Variants in AK1 observed in about 807,000 individuals in gnomAD.
AK1 encodes the protein adenylate kinase 1.
AK1 carries 13 observed loss-of-function variants against 23.9 expected under a neutral mutation model. The ratio of observed to expected loss-of-function variants is 0.54; its 90% CI spans 0.35 to 0.86. The LOEUF (loss-of-function observed/expected upper bound fraction) is 0.86, where lower values mean the gene tolerates loss of function less well. Ranked by LOEUF, AK1 falls within the 40% of genes least tolerant of loss-of-function variation. The probability of loss-of-function intolerance (pLI) is 0.01; values close to 1 mark genes in which losing one functional copy is unlikely to be tolerated. For missense variants in AK1, 214 were observed against 255.1 expected, an observed-to-expected ratio of 0.84 and a Z score of 1.10; for synonymous variants, 97 against 102.8, an observed-to-expected ratio of 0.94 and a Z score of 0.34.
At position 127,874,776 on chromosome 9, in the gene AK1, G is replaced by A. The variant is rs1829498959; in HGVS notation, c.-32-127C>T. The A allele has an allele frequency of 5.2e-6, 5 of 955,354 alleles. No individual in the cohort carries two copies. In the East Asian group the frequency reaches 1.0e-4, roughly 20 times the overall value. 59.2% of individuals were successfully genotyped at this position (955,354 alleles called of 1,614,324 possible). ...ATGCAGTCTGAGGGCAGAGGGGGCT[G>A]CTGGGGGCAGGGAAGGCCCAGGACC... On this transcript the variant is annotated intron_variant, in intron 1 of 6. Coordinates refer to ENST00000644144, the MANE Select transcript of AK1 (RefSeq NM_000476.3).
chr9:127,870,876 T>TCCCCACTTGGGTCAGTGCCTTACCC (rs1564472335), intron 5 of AK1, among the ~76,000 whole-genome samples: 15 of 151,750 alleles, frequency 9.9e-5, no homozygotes, highest in African/African-American at 3.4e-4. Context: ...CCCACCAGGA[T>TCCCCACTTGGGTCAGTGCCTTACCC]GCTGGTTAGG....
In AK1 at chr9:127,868,588, G is replaced by A; in HGVS notation, c.325-76C>T. On this transcript the variant is annotated intron_variant, in intron 5 of 6. Transcript: ENST00000644144. This position sits in a 1 kb window ranked among gnomAD's most constrained non-coding sequence, Gnocchi z 4.1. The stretch of plus-strand genomic sequence containing the variant: ...ATCTCCTCCCCATCTTCCCATCTAT[G>A]AAGCCCCAGTAGATACCCCCTCAGA... 6.7e-7 allele frequency: 1 copy of A among 1,502,596 alleles called. No individual in the cohort carries two copies. The highest frequency in any genetic ancestry group is 9.0e-7 in the Non-Finnish European group (1 of 1,110,180). The allele number at this position is 1,502,596 out of a possible 1,614,324, so 93.1% of individuals were successfully genotyped here. A position where few individuals can be genotyped will look rare whatever the true frequency, so the allele number is the denominator to read the frequency against.
chr9:127,872,346 G>C (rs200596587), intron 4 of AK1, among the ~76,000 whole-genome samples: 2 of 152,122 alleles, frequency 1.3e-5, no homozygotes, highest in Admixed American at 6.6e-5. Context: ...GAAAATTGGG[G>C]GGGGAGGTCT....
upstream of AK1, among the ~76,000 whole-genome samples, chr9:127,879,280 G>GT (rs1829598033): frequency 6.6e-6 from 1 of 152,150 alleles, no homozygotes; most frequent in Admixed American, 6.6e-5. Context: ...AGTCCAAGTT[G>GT]TTTGTGGTTA....
At chr9:127,875,407 CT>C (rs896441290) in intron 1 of AK1, among the ~76,000 whole-genome samples, 5 of 151,560 alleles carry the variant, frequency 3.3e-5, no homozygotes, top group Non-Finnish European at 5.9e-5. Flanking sequence ...CCTCGCCCCC[CT>C]ATCTCAGAAC....
upstream of AK1, chr9:127,879,580 G>A (rs1393194350): frequency 7.8e-6 from 1 of 128,966 alleles, no homozygotes; most frequent in Non-Finnish European, 1.5e-5. Context: ...CCGAGATCAC[G>A]CCATTGCACT....
At chr9:127,870,615 G>T (rs1235551093) in intron 5 of AK1, among the ~76,000 whole-genome samples, 3 of 152,228 alleles carry the variant, frequency 2.0e-5, no homozygotes, top group African/African-American at 7.2e-5. Context: ...CTAACACAGG[G>T]TCAGGGGTCT....
chr9:127,873,169 C>T, intron 2 of AK1, 108 bp from the exon 3 acceptor site: 2 of 1,549,832 alleles, frequency 1.3e-6, no homozygotes, highest in Non-Finnish European at 1.7e-6. Flanking sequence ...GGGACAGACA[C>T]CGCTGGCGCT....
intron 2 of AK1, chr9:127,873,497 GC>G (rs1283029864): frequency 6.9e-7 from 1 of 1,454,458 alleles, no homozygotes; most frequent in East Asian, 2.5e-5. Flanking sequence ...CCCCTCTCAG[GC>G]CCTGGGCCGG....
rs112757340 is a variant in AK1, at chr9:127,877,675, C to T, written c.-85G>A. Reference sequence around the variant, plus strand: ...GGCCAGTGCGTGCCCTGCCCGTCCTCGCGGCGGCCGGCAAAGGCGACTATT... The same window carrying T: ...GGCCAGTGCGTGCCCTGCCCGTCCTTGCGGCGGCCGGCAAAGGCGACTATT... On this transcript the variant is annotated 5_prime_UTR_variant, in exon 1 of 7. Transcript: ENST00000644144. This position sits in a 1 kb window ranked among gnomAD's most constrained non-coding sequence, Gnocchi z 5.2. 2 of 152,286 alleles carry T rather than the reference C, an allele frequency of 1.3e-5. No individual in the cohort carries two copies. The highest frequency in any genetic ancestry group is 3.8e-4 in the East Asian group (2 of 5,196). 9.4% of individuals were successfully genotyped at this position (152,286 alleles called of 1,614,324 possible). A position where few individuals can be genotyped will look rare whatever the true frequency, so the allele number is the denominator to read the frequency against.
In AK1 at chr9:127,871,811, T is replaced by G. The variant is rs1455624623; in HGVS notation, c.324+12A>C. 6.2e-7 allele frequency: 1 copy of G among 1,612,374 alleles called. No homozygotes were observed. Among genetic ancestry groups the G allele is most frequent in the African/African-American group, 1.3e-5 (1 of 74,842 alleles). ...CAGCCCACCAGGATCCCCACTTGGG[T>G]CAGTGCCTTACCCGTCGCTCAAACT... On this transcript the variant is annotated intron_variant, in intron 5 of 6. Transcript: ENST00000644144. The surrounding 1 kb of genome is among the most constrained non-coding windows in gnomAD (Gnocchi z 4.4).
intron 1 of AK1, 132 bp from the exon 2 acceptor site, chr9:127,874,781 G>A: frequency 1.1e-6 from 1 of 902,860 alleles, no homozygotes; most frequent in Non-Finnish European, 1.8e-6. Context: ...GGGCTGCTGG[G>A]GGCAGGGAAG....
In AK1 at chr9:127,868,586, A is replaced by G. The variant is rs1829307122; in HGVS notation, c.325-74T>C. ...CCATCTCCTCCCCATCTTCCCATCT[A>G]TGAAGCCCCAGTAGATACCCCCTCA... On this transcript the variant is annotated intron_variant, in intron 5 of 6. Coordinates refer to ENST00000644144, the MANE Select transcript of AK1 (RefSeq NM_000476.3). The surrounding 1 kb of genome is among the most constrained non-coding windows in gnomAD (Gnocchi z 4.1). 1.1e-5 allele frequency: 17 copies of G among 1,508,514 alleles called. No individual in the cohort carries two copies. In the South Asian group the frequency reaches 1.9e-4, roughly 17 times the overall value. The allele number at this position is 1,508,514 out of a possible 1,614,324, so 93.4% of individuals were successfully genotyped here.
In AK1 at chr9:127,867,914, G is replaced by A; in HGVS notation, c.*94C>T. On this transcript the variant is annotated 3_prime_UTR_variant, in exon 7 of 7. Transcript: ENST00000644144. ...CGGCTTCCTCCGTCTGTGCTCAGCA[G>A]GGCAGGGTGGAGGCGCTGCGCTCAG... is the stretch of plus-strand genomic sequence containing the variant. 1.6e-6 allele frequency: 2 copies of A among 1,228,312 alleles called. No homozygotes were observed. The highest frequency in any genetic ancestry group is 2.3e-5 in the East Asian group (1 of 43,056). The allele number at this position is 1,228,312 out of a possible 1,614,324, so 76.1% of individuals were successfully genotyped here.
chr9:127,874,739 GC>G, intron 1 of AK1, 90 bp from the exon 2 acceptor site: 1 of 1,301,662 alleles, frequency 7.7e-7, no homozygotes, highest in Non-Finnish European at 1.1e-6. Flanking sequence ...ACTGGTGTGT[GC>G]CAGGCCCGAC....
At chr9:127,873,580 G>C in intron 2 of AK1, 1 of 1,426,792 alleles carries the variant, frequency 7.0e-7, no homozygotes, top group Non-Finnish European at 9.1e-7. Context: ...ACAGTTGCCG[G>C]GGTGGAGGGC....
Position 127,868,251 on chromosome 9 carries a change from C to T in AK1, c.516+70G>A, listed in dbSNP as rs1829293781. ...AGAGAGGGGCTGGCCTGAGGCCACA[C>T]AGTGAGCTGAGGCGGAGCCACATAG... On this transcript the variant is annotated intron_variant, in intron 6 of 6. Coordinates refer to ENST00000644144, the MANE Select transcript of AK1 (RefSeq NM_000476.3). This position sits in a 1 kb window ranked among gnomAD's most constrained non-coding sequence, Gnocchi z 4.1. The T allele has an allele frequency of 2.7e-6, 4 of 1,504,826 alleles. No individual in the cohort carries two copies. The highest frequency in any genetic ancestry group is 3.6e-6 in the Non-Finnish European group (4 of 1,106,084). 93.2% of individuals were successfully genotyped at this position (1,504,826 alleles called of 1,614,324 possible). A position where few individuals can be genotyped will look rare whatever the true frequency, so the allele number is the denominator to read the frequency against.
chr9:127,878,177 G>A (rs768847194), upstream of AK1, among the ~76,000 whole-genome samples: 8 of 152,198 alleles, frequency 5.3e-5, no homozygotes, highest in Non-Finnish European at 8.8e-5. Flanking sequence ...GACCCACCTG[G>A]GACTCCTCTT....
chr9:127,875,734 C>G (rs997481503), intron 1 of AK1, among the ~76,000 whole-genome samples: 13 of 152,066 alleles, frequency 8.5e-5, no homozygotes, highest in Non-Finnish European at 1.0e-4. Flanking sequence ...CAGCTCCAGG[C>G]CCCTATGGCC....
Sources: allele counts gnomAD v4.1 joint callset (sites outside exome capture counted in the v4.1 genomes callset), GRCh38; gene constraint gnomAD v4.1.1; non-coding constraint Gnocchi (gnomAD v3.1); transcripts MANE v1.5; gene names NCBI Gene and HGNC (gene_info 2026-07-23, HGNC 2026-07-21).